Variants in DPP10 observed in about 807,000 individuals in gnomAD.
The protein encoded by DPP10 is inactive dipeptidyl peptidase 10.
Under a neutral mutation model 120.9 loss-of-function variants are expected in DPP10, and 33 were observed. The observed-to-expected ratio is 0.27, with a 90% CI of 0.21 to 0.37. The LOEUF (loss-of-function observed/expected upper bound fraction) is 0.37, where lower values mean the gene tolerates loss of function less well. DPP10 is among the 10% of genes least tolerant of loss of function. DPP10 has a pLI of 1.00. For missense variants in DPP10, 816 were observed against 942.8 expected, an observed-to-expected ratio of 0.87 and a Z score of 1.76; for synonymous variants, 337 against 326.1, an observed-to-expected ratio of 1.03 and a Z score of -0.36.
chr2:114,478,808 C>A (rs1281486644), intron 1 of DPP10, among the ~76,000 whole-genome samples: 5 of 152,054 alleles, frequency 3.3e-5, no homozygotes, highest in Admixed American at 2.0e-4. Flanking sequence ...ATTTGAAATA[C>A]CATGCAAGCT....
At chr2:115,380,729 C>G (rs190315762) in intron 3 of DPP10, among the ~76,000 whole-genome samples, 2 of 151,980 alleles carry the variant, frequency 1.3e-5, no homozygotes, top group African/African-American at 4.8e-5. Context: ...CCTTCAGGAG[C>G]TCTTTTAGGG....
intron 5 of DPP10, among the ~76,000 whole-genome samples, chr2:115,591,771 T>G (rs28582364): frequency 0.15 from 22,873 of 152,198 alleles, 2,782 homozygotes; most frequent in African/African-American, 0.34. Context: ...ACGATATTAA[T>G]TCTTCCTATC....
At chr2:115,403,440 C>T (rs1166684882) in intron 3 of DPP10, among the ~76,000 whole-genome samples, 2 of 124,108 alleles carry the variant, frequency 1.6e-5, no homozygotes, top group Non-Finnish European at 3.2e-5. Context: ...CACTCTGTTG[C>T]CCAGGCTGGA....
chr2:114,998,474 G>C (rs1181502007), intron 1 of DPP10, among the ~76,000 whole-genome samples: 1 of 152,152 alleles, frequency 6.6e-6, no homozygotes, highest in Non-Finnish European at 1.5e-5. Context: ...GATCAAAAGG[G>C]AATATTTATT....
At chr2:114,703,985 GC>G (rs1337113366) in intron 1 of DPP10, among the ~76,000 whole-genome samples, 1 of 151,988 alleles carries the variant, frequency 6.6e-6, no homozygotes, top group Admixed American at 6.6e-5. Context: ...TTTTCCTACT[GC>G]CTCCCACAGA....
intron 17 of DPP10, among the ~76,000 whole-genome samples, chr2:115,786,357 G>A (rs1683344063): frequency 6.6e-6 from 1 of 152,132 alleles, no homozygotes. Context: ...GGCCAGAGGG[G>A]CAGACTGGAA....
chr2:115,571,693 CTT>C (rs11462795), intron 5 of DPP10, among the ~76,000 whole-genome samples: 2 of 117,048 alleles, frequency 1.7e-5, no homozygotes, highest in Admixed American at 1.1e-4. Flanking sequence ...GTTGTTGTTC[CTT>C]TTTTTTTTTT....
At chr2:115,773,535 T>C (rs1681727968) in intron 13 of DPP10, among the ~76,000 whole-genome samples, 1 of 152,140 alleles carries the variant, frequency 6.6e-6, no homozygotes, top group South Asian at 2.1e-4. Flanking sequence ...TAAAATACAT[T>C]GTCATACTGC....
intron 1 of DPP10, among the ~76,000 whole-genome samples, chr2:114,943,275 A>G (rs1697099364): frequency 6.6e-6 from 1 of 151,800 alleles, no homozygotes; most frequent in Non-Finnish European, 1.5e-5. Flanking sequence ...TATATGTGCC[A>G]CAGTTTTTTT....
At chr2:115,338,601 T>C (rs2063286659) in intron 2 of DPP10, among the ~76,000 whole-genome samples, 2 of 152,070 alleles carry the variant, frequency 1.3e-5, no homozygotes, top group South Asian at 4.1e-4. Context: ...GCTGGGATTA[T>C]AGACATGAGC....
At chr2:115,659,222 C>T (rs2088680904) in intron 5 of DPP10, among the ~76,000 whole-genome samples, 1 of 152,082 alleles carries the variant, frequency 6.6e-6, no homozygotes, top group Non-Finnish European at 1.5e-5. Flanking sequence ...ACTTCCCAAC[C>T]TCCATAACCA....
At chr2:115,713,001 A>T (rs1575584975) in intron 7 of DPP10, among the ~76,000 whole-genome samples, 2 of 152,094 alleles carry the variant, frequency 1.3e-5, no homozygotes, top group Non-Finnish European at 2.9e-5. Flanking sequence ...TTTTTTTGAC[A>T]TGATGCCTAT....
intron 5 of DPP10, among the ~76,000 whole-genome samples, chr2:115,528,644 CTG>C (rs2078276784): frequency 6.6e-6 from 1 of 151,882 alleles, no homozygotes; most frequent in Non-Finnish European, 1.5e-5. Context: ...GCTAGATAAA[CTG>C]TGGTCCATTC....
intron 1 of DPP10, among the ~76,000 whole-genome samples, chr2:114,461,026 C>T (rs1678882826): frequency 6.6e-6 from 1 of 152,078 alleles, no homozygotes; most frequent in Admixed American, 6.6e-5. Context: ...ATTCATAGTA[C>T]CAGTTAAGGC....
chr2:115,281,754 A>G (rs767702148), intron 1 of DPP10, among the ~76,000 whole-genome samples: 101 of 152,168 alleles, frequency 6.6e-4, no homozygotes, highest in Non-Finnish European at 9.8e-4. Flanking sequence ...AATATACATG[A>G]TCAATATTCC....
chr2:115,335,259 A>C (rs1303018624), intron 2 of DPP10, among the ~76,000 whole-genome samples: 2 of 152,032 alleles, frequency 1.3e-5, no homozygotes, highest in Non-Finnish European at 2.9e-5. Flanking sequence ...GAATTGTGGG[A>C]GTTACAATTG....
At chr2:115,036,458 A>T (rs1478819019) in intron 1 of DPP10, among the ~76,000 whole-genome samples, 1 of 152,208 alleles carries the variant, frequency 6.6e-6, no homozygotes. Context: ...TTTTGTTATT[A>T]TAAGAGCAAG....
At position 115,420,795 on chromosome 2, in the gene DPP10, A is replaced by G. The variant is rs1427450168; in HGVS notation, c.271+76883A>G. Among the ~76,000 whole-genome samples the G allele has an allele frequency of 3.3e-5, 5 of 152,256 alleles. No homozygotes were observed. In the East Asian group the frequency reaches 7.7e-4, roughly 24 times the overall value. On this transcript the variant is annotated intron_variant, in intron 3 of 25. Coordinates refer to ENST00000410059, the MANE Select transcript of DPP10 (RefSeq NM_020868.6). ...TCTGTGGCAGCAGGAACTTCCTGGG[A>G]AGACAACAGTAGAAGGACCAGAGTA...
chr2:115,319,944 G>A (rs13018318), intron 2 of DPP10, among the ~76,000 whole-genome samples: 4,151 of 152,106 alleles, frequency 0.027, 73 homozygotes, highest in South Asian at 0.06. Context: ...GTAATGGTAG[G>A]GCCCTAATAA....
Sources: allele counts gnomAD v4.1 joint callset (sites outside exome capture counted in the v4.1 genomes callset), GRCh38; gene constraint gnomAD v4.1.1; transcripts MANE v1.5; gene names NCBI Gene and HGNC (gene_info 2026-07-23, HGNC 2026-07-21).